Variants in CSMD1 observed in about 807,000 individuals in gnomAD.
The protein encoded by CSMD1 is CUB and Sushi multiple domains 1.
CSMD1 carries 213 observed loss-of-function variants against 417.5 expected under a neutral mutation model. The observed-to-expected ratio is 0.51, with a 90% CI of 0.46 to 0.57. The LOEUF is 0.57. Ranked by LOEUF, CSMD1 falls within the 20% of genes least tolerant of loss-of-function variation. CSMD1 has a pLI of 0.00. For missense variants in CSMD1, 6,923 were observed against 4,529.7 expected, an observed-to-expected ratio of 1.53 and a Z score of -15.17; for synonymous variants, 2,862 against 1,736.8, an observed-to-expected ratio of 1.65 and a Z score of -16.11.
chr8:4,159,249 T>C (rs945970482), intron 3 of CSMD1, among the ~76,000 whole-genome samples: 8 of 152,166 alleles, frequency 5.3e-5, no homozygotes, highest in East Asian at 1.9e-4. Flanking sequence ...CCGTGAAATG[T>C]TTTACTCATT....
intron 5 of CSMD1, among the ~76,000 whole-genome samples, chr8:3,867,987 A>T (rs1208728121): frequency 6.6e-6 from 1 of 152,068 alleles, no homozygotes; most frequent in East Asian, 1.9e-4. Context: ...GAGACCCAAG[A>T]TTCTCAGGTC....
At chr8:3,890,280 G>C (rs913215350) in intron 5 of CSMD1, among the ~76,000 whole-genome samples, 1 of 152,102 alleles carries the variant, frequency 6.6e-6, no homozygotes, top group African/African-American at 2.4e-5. Context: ...ATTTTGCTGG[G>C]TTTTGATTTA....
At chr8:3,911,198 C>T (rs1005380356) in intron 5 of CSMD1, among the ~76,000 whole-genome samples, 1 of 152,148 alleles carries the variant, frequency 6.6e-6, no homozygotes, top group African/African-American at 2.4e-5. Flanking sequence ...TCTCTGGGGA[C>T]TAGATGTCAG....
chr8:3,372,242 G>C (rs1234669853), intron 18 of CSMD1, among the ~76,000 whole-genome samples: 4 of 152,194 alleles, frequency 2.6e-5, no homozygotes, highest in East Asian at 1.9e-4. Context: ...TTTGGGTAGA[G>C]AGAAAGTGGT....
At chr8:2,978,875 G>A (rs1042001659) in intron 54 of CSMD1, 75 bp from the exon 55 acceptor site, 68 of 1,271,872 alleles carry the variant, frequency 5.3e-5, no homozygotes, top group African/African-American at 1.1e-4. Context: ...AAATGAAGGC[G>A]AATTCCTCAT....
chr8:4,070,149 A>T (rs75259298), intron 3 of CSMD1, among the ~76,000 whole-genome samples: 12,135 of 152,026 alleles, frequency 0.08, 719 homozygotes, highest in East Asian at 0.28. Flanking sequence ...TATTTTTTTT[A>T]AAATGTATAA....
At chr8:3,820,507 T>C (rs903647294) in intron 5 of CSMD1, among the ~76,000 whole-genome samples, 2 of 152,204 alleles carry the variant, frequency 1.3e-5, no homozygotes, top group African/African-American at 2.4e-5. Flanking sequence ...ACAGCACACG[T>C]GAAGCTGACA....
At chr8:4,306,187 C>T (rs1307371377) in intron 3 of CSMD1, among the ~76,000 whole-genome samples, 1 of 152,154 alleles carries the variant, frequency 6.6e-6, no homozygotes. Flanking sequence ...AAGTTGTCTG[C>T]ATTAAAACGC....
chr8:3,751,422 A>G (rs1457366947), intron 6 of CSMD1, among the ~76,000 whole-genome samples: 2 of 148,152 alleles, frequency 1.3e-5, no homozygotes, highest in African/African-American at 2.5e-5. Context: ...TTAATTAAAT[A>G]TAACTACATA....
At chr8:4,465,150 A>T (rs998827033) in intron 2 of CSMD1, among the ~76,000 whole-genome samples, 7 of 152,186 alleles carry the variant, frequency 4.6e-5, no homozygotes, top group African/African-American at 1.7e-4. Flanking sequence ...ATTACCCCCA[A>T]ACTATGTCAC....
At chr8:3,141,441 G>C (rs1282683109) in intron 41 of CSMD1, among the ~76,000 whole-genome samples, 2 of 152,122 alleles carry the variant, frequency 1.3e-5, no homozygotes, top group Admixed American at 6.5e-5. Flanking sequence ...TTCCCGAAAA[G>C]ACCCCCTTCT....
intron 3 of CSMD1, among the ~76,000 whole-genome samples, chr8:4,079,678 A>T (rs958337097): frequency 1.3e-5 from 2 of 152,238 alleles, no homozygotes; most frequent in African/African-American, 4.8e-5. Context: ...GTTCACATTA[A>T]TTTATTCCTG....
intron 24 of CSMD1, among the ~76,000 whole-genome samples, chr8:3,308,051 CATGTGATAATTCTA>C (rs1310570053): frequency 7.1e-6 from 1 of 141,434 alleles, no homozygotes; most frequent in Non-Finnish European, 1.5e-5. Context: ...ATAAGACACT[CATGTGATAATTCTA>C]ATAATATGTG....
chr8:3,240,751 G>A (rs555118050), intron 26 of CSMD1, among the ~76,000 whole-genome samples: 1 of 152,122 alleles, frequency 6.6e-6, no homozygotes, highest in Non-Finnish European at 1.5e-5. Context: ...GGTTAGGAGA[G>A]TATATGGGTT....
intron 1 of CSMD1, among the ~76,000 whole-genome samples, chr8:4,817,203 T>G (rs1341955740): frequency 1.3e-5 from 2 of 152,354 alleles, no homozygotes; most frequent in South Asian, 4.1e-4. Flanking sequence ...ACTGTGCTCC[T>G]ATATGTATAT....
intron 3 of CSMD1, among the ~76,000 whole-genome samples, chr8:4,316,559 T>A (rs1798944981): frequency 6.6e-6 from 1 of 152,146 alleles, no homozygotes; most frequent in East Asian, 1.9e-4. Flanking sequence ...ATATAATTAA[T>A]AACTTTCCAC....
chr8:3,683,858 G>C (rs1301457816), intron 7 of CSMD1, among the ~76,000 whole-genome samples: 1 of 152,000 alleles, frequency 6.6e-6, no homozygotes, highest in Non-Finnish European at 1.5e-5. Flanking sequence ...ATTCATGAAT[G>C]TTAAGCTCGC....
At chr8:4,911,864 C>G (rs138227036) in intron 1 of CSMD1, among the ~76,000 whole-genome samples, 1 of 151,992 alleles carries the variant, frequency 6.6e-6, no homozygotes, top group African/African-American at 2.4e-5. Flanking sequence ...TTGACAATTC[C>G]TCTCTGAGGC....
chr8:4,033,762 T>C (rs950093657), intron 3 of CSMD1, among the ~76,000 whole-genome samples: 31 of 152,308 alleles, frequency 2.0e-4, no homozygotes, highest in African/African-American at 7.2e-4. Context: ...TCTGTTCTTT[T>C]TGGTCCTCTC....
Sources: gnomAD v4.1 joint callset for allele counts (sites outside exome capture counted in the v4.1 genomes callset) on GRCh38, gnomAD v4.1.1 for gene constraint, MANE v1.5 for transcripts, NCBI Gene and HGNC (gene_info 2026-07-23, HGNC 2026-07-21) for gene names.